The following DCC variants were observed in gnomAD, a reference collection of about 807,000 sequenced individuals.
DCC encodes the protein DCC netrin 1 receptor, also known as netrin receptor DCC.
Under a neutral mutation model 172.5 loss-of-function variants are expected in DCC, and 58 were observed. That is an observed-to-expected ratio of 0.34 (90% CI 0.27 to 0.42). The LOEUF (loss-of-function observed/expected upper bound fraction) is 0.42. Among genes scored for constraint, DCC ranks in the 10% least tolerant of loss-of-function variants. The pLI, the probability that DCC is intolerant of heterozygous loss-of-function variation, is 1.00. For synonymous variants in DCC, 709 were observed against 644.5 expected, an observed-to-expected ratio of 1.10 and a Z score of -1.52; for missense variants, 1,740 against 1,791.0, an observed-to-expected ratio of 0.97 and a Z score of 0.51.
At chr18:52,379,779 T>G (rs915394313) in intron 1 of DCC, among the ~76,000 whole-genome samples, 16 of 152,168 alleles carry the variant, frequency 1.1e-4, no homozygotes, top group African/African-American at 2.9e-4. Flanking sequence ...TCTGGTACTT[T>G]GCCTTGAAGT....
At chr18:52,391,048 A>G (rs1461793355) in intron 1 of DCC, among the ~76,000 whole-genome samples, 4 of 152,036 alleles carry the variant, frequency 2.6e-5, no homozygotes, top group Non-Finnish European at 5.9e-5. Flanking sequence ...ATAATATTAT[A>G]CACACTTTTA....
intron 1 of DCC, among the ~76,000 whole-genome samples, chr18:52,679,267 A>C (rs886840269): frequency 1.3e-5 from 2 of 152,014 alleles, no homozygotes; most frequent in African/African-American, 2.4e-5. Context: ...TTAGATATTA[A>C]AAAAGACTTA....
chr18:53,389,632 T>C (rs1405282783), intron 16 of DCC, among the ~76,000 whole-genome samples: 1 of 152,104 alleles, frequency 6.6e-6, no homozygotes, highest in East Asian at 1.9e-4. Context: ...AAAATATTAT[T>C]CCATAAAATG....
chr18:52,815,443 C>T (rs1181897548), intron 2 of DCC, among the ~76,000 whole-genome samples: 3 of 151,926 alleles, frequency 2.0e-5, no homozygotes, highest in African/African-American at 7.3e-5. Flanking sequence ...CACACGTTCT[C>T]TCTCCACGTC....
intron 2 of DCC, among the ~76,000 whole-genome samples, chr18:52,760,520 G>A (rs766370241): frequency 3.3e-5 from 5 of 152,118 alleles, no homozygotes; most frequent in South Asian, 2.1e-4. Flanking sequence ...TAGTCAGAGC[G>A]TGACCTCCAA....
intron 1 of DCC, among the ~76,000 whole-genome samples, chr18:52,510,159 C>A (rs1487130740): frequency 6.6e-6 from 1 of 151,486 alleles, no homozygotes; most frequent in African/African-American, 2.4e-5. Flanking sequence ...GACTGGGCTT[C>A]TGACTTAGGG....
chr18:52,705,600 G>A (rs929635554), intron 1 of DCC, among the ~76,000 whole-genome samples: 1 of 152,142 alleles, frequency 6.6e-6, no homozygotes, highest in Non-Finnish European at 1.5e-5. Context: ...GGAAGCACAG[G>A]GGTTCTTTGG....
At chr18:52,944,883 T>G (rs1386059858) in intron 5 of DCC, among the ~76,000 whole-genome samples, 3 of 152,092 alleles carry the variant, frequency 2.0e-5, no homozygotes, top group African/African-American at 7.2e-5. Flanking sequence ...AAGAAAAGAG[T>G]ATCCAAAGTT....
At chr18:53,351,441 G>GAGTA (rs2057808342) in intron 15 of DCC, among the ~76,000 whole-genome samples, 1 of 27,264 alleles carries the variant, frequency 3.7e-5, no homozygotes. Flanking sequence ...TATATATACA[G>GAGTA]TGTATATATA....
At chr18:52,965,484 G>A (rs1465242851) in intron 5 of DCC, among the ~76,000 whole-genome samples, 2 of 152,086 alleles carry the variant, frequency 1.3e-5, no homozygotes, top group African/African-American at 4.8e-5. Flanking sequence ...TTTAGCTGAT[G>A]CTATTGCCAT....
intron 2 of DCC, among the ~76,000 whole-genome samples, chr18:52,899,780 G>A (rs1242059673): frequency 6.6e-6 from 1 of 152,050 alleles, no homozygotes; most frequent in Admixed American, 6.6e-5. Context: ...ATAGGCATAA[G>A]CTACCACTCC....
Position 52,838,166 on chromosome 18 carries a change from A to T in DCC, c.413-67878A>T, listed in dbSNP as rs181995135. 6.3e-3 allele frequency among the ~76,000 whole-genome samples: 862 copies of T among 136,306 alleles called. 13 individuals carry two copies. The highest frequency in any genetic ancestry group is 0.022 in the African/African-American group (825 of 37,220). 89.4% of individuals were successfully genotyped at this position (136,306 alleles called of 152,430 possible). On this transcript the variant is annotated intron_variant, in intron 2 of 28. Coordinates refer to ENST00000442544, the MANE Select transcript of DCC (RefSeq NM_005215.4). ...TCTGTTTATTAAATTGTTCATCTAC[A>T]ATTTTGAAGGAGCACTCTCTATTTG...
At chr18:52,770,139 T>C (rs116717230) in intron 2 of DCC, among the ~76,000 whole-genome samples, 39 of 152,338 alleles carry the variant, frequency 2.6e-4, no homozygotes, top group African/African-American at 8.9e-4. Flanking sequence ...TCTGGCTTCC[T>C]CCTGCCATCC....
chr18:53,495,792 T>C (rs2046015249), intron 26 of DCC, among the ~76,000 whole-genome samples: 1 of 152,194 alleles, frequency 6.6e-6, no homozygotes, highest in Non-Finnish European at 1.5e-5. Context: ...TAGTCCCATA[T>C]GTTTTGGAGG....
intron 25 of DCC, among the ~76,000 whole-genome samples, chr18:53,480,030 G>C (rs2045813078): frequency 6.6e-6 from 1 of 152,170 alleles, no homozygotes; most frequent in African/African-American, 2.4e-5. Context: ...AACCAGATCA[G>C]AGTCTATATC....
rs1477755889 is a variant in DCC at position 53,533,206 on chromosome 18, T to C, written c.*2553T>C. On this transcript the variant is annotated 3_prime_UTR_variant, in exon 29 of 29. Transcript: ENST00000442544. ...CTGCCCAAGTTTTCAGGTAACTTAT[T>C]AATTTCCCAGTCTCCTGATCTCTTG... The C allele has an allele frequency of 1.3e-5, 2 of 152,178 alleles. No homozygotes were observed. The highest frequency in any genetic ancestry group is 4.8e-5 in the African/African-American group (2 of 41,466). The allele number at this position is 152,178 out of a possible 1,614,324, so 9.4% of individuals were successfully genotyped here. A position where few individuals can be genotyped will look rare whatever the true frequency, so the allele number is the denominator to read the frequency against.
chr18:52,695,353 C>A (rs142411972), intron 1 of DCC, among the ~76,000 whole-genome samples: 1 of 152,188 alleles, frequency 6.6e-6, no homozygotes, highest in Non-Finnish European at 1.5e-5. Context: ...ACTTTTCCAG[C>A]CTCCTGAAAC....
At chr18:52,673,193 T>C (rs1313992115) in intron 1 of DCC, among the ~76,000 whole-genome samples, 10 of 152,178 alleles carry the variant, frequency 6.6e-5, no homozygotes, top group Non-Finnish European at 4.4e-5. Flanking sequence ...ATGATAAAAG[T>C]CCCTCCCATT....
At chr18:52,788,708 T>A (rs1036361024) in intron 2 of DCC, among the ~76,000 whole-genome samples, 1 of 152,138 alleles carries the variant, frequency 6.6e-6, no homozygotes. Flanking sequence ...CTTATTGGGA[T>A]TATTGGCTTC....
Sources: gnomAD v4.1 joint callset for allele counts (sites outside exome capture counted in the v4.1 genomes callset) on GRCh38, gnomAD v4.1.1 for gene constraint, MANE v1.5 for transcripts, NCBI Gene and HGNC (gene_info 2026-07-23, HGNC 2026-07-21) for gene names.